The following VTI1A variants were observed in gnomAD, a reference collection of about 807,000 sequenced individuals.
VTI1A encodes vesicle transport through interaction with t-SNAREs 1A.
In VTI1A, 22 loss-of-function variants were observed where a neutral mutation model predicts 34.9. The observed-to-expected ratio is 0.63, with a 90% confidence interval of 0.45 to 0.90. The LOEUF is 0.90. Among genes scored for constraint, VTI1A ranks in the 40% least tolerant of loss-of-function variants. VTI1A has a pLI of 0.00. For synonymous variants in VTI1A, 87 were observed against 97.3 expected, an observed-to-expected ratio of 0.89 and a Z score of 0.62; for missense variants, 268 against 275.6, an observed-to-expected ratio of 0.97 and a Z score of 0.20.
At chr10:112,552,898 C>T (rs954056576) in intron 5 of VTI1A, among the ~76,000 whole-genome samples, 14 of 152,168 alleles carry the variant, frequency 9.2e-5, no homozygotes, top group Non-Finnish European at 1.8e-4. Flanking sequence ...CTTTCGTGCC[C>T]TCTGTAAGTT....
At chr10:112,583,414 A>G (rs1279351927) in intron 5 of VTI1A, among the ~76,000 whole-genome samples, 1 of 152,236 alleles carries the variant, frequency 6.6e-6, no homozygotes. Flanking sequence ...GGTTGCATTC[A>G]GGTCTGTTGT....
Position 112,609,861 on chromosome 10 carries a change from T to C in VTI1A, c.428-58357T>C, listed in dbSNP as rs546695208. Among the ~76,000 whole-genome samples, 101 of 152,266 alleles carry C rather than the reference T, an allele frequency of 6.6e-4. 1 individual carries two copies. Among genetic ancestry groups the C allele is most frequent in the African/African-American group, 2.3e-3 (97 of 41,536 alleles). On this transcript the variant is annotated intron_variant, in intron 5 of 7. Coordinates refer to ENST00000393077, the MANE Select transcript of VTI1A (RefSeq NM_145206.4). ...AAGGGGTTTGCTGCTGAAGTCTCCA[T>C]GGCCCTTAGGCAAATGGCTCCGTCC...
chr10:112,491,786 C>T (rs1848833526), intron 3 of VTI1A, among the ~76,000 whole-genome samples: 1 of 152,144 alleles, frequency 6.6e-6, no homozygotes, highest in Non-Finnish European at 1.5e-5. Context: ...TGGATGGTAA[C>T]TACTGCACCA....
intron 2 of VTI1A, among the ~76,000 whole-genome samples, chr10:112,463,405 G>A (rs1847794716): frequency 6.6e-6 from 1 of 152,142 alleles, no homozygotes; most frequent in Non-Finnish European, 1.5e-5. Context: ...AGTTTTCACA[G>A]CTGCTCTGTG....
intron 7 of VTI1A, among the ~76,000 whole-genome samples, chr10:112,768,035 GACC>G (rs1479288766): frequency 6.6e-5 from 10 of 152,154 alleles, no homozygotes; most frequent in Admixed American, 6.6e-4. Context: ...TGTGATAGGT[GACC>G]TCCAGGACCA....
intron 3 of VTI1A, among the ~76,000 whole-genome samples, chr10:112,514,084 G>C (rs1278764162): frequency 6.6e-6 from 1 of 152,078 alleles, no homozygotes; most frequent in East Asian, 1.9e-4. Flanking sequence ...AGAAGAATTG[G>C]CATCAGTTCT....
intron 5 of VTI1A, among the ~76,000 whole-genome samples, chr10:112,565,561 A>G (rs1402184004): frequency 1.3e-5 from 2 of 152,206 alleles, no homozygotes; most frequent in Non-Finnish European, 2.9e-5. Flanking sequence ...TTTCAAAGCC[A>G]TATTATATTT....
chr10:112,646,279 G>A (rs545368020), intron 5 of VTI1A, among the ~76,000 whole-genome samples: 33 of 152,090 alleles, frequency 2.2e-4, no homozygotes, highest in African/African-American at 7.2e-4. Flanking sequence ...AATAAAACTA[G>A]GAAGCATTGT....
At chr10:112,702,327 C>T (rs922142584) in intron 7 of VTI1A, among the ~76,000 whole-genome samples, 2 of 152,222 alleles carry the variant, frequency 1.3e-5, no homozygotes, top group Non-Finnish European at 2.9e-5. Context: ...CATTTCACTT[C>T]AAGGGGAGAA....
intron 7 of VTI1A, among the ~76,000 whole-genome samples, chr10:112,738,627 A>G (rs577195593): frequency 1.4e-4 from 22 of 152,298 alleles, no homozygotes; most frequent in African/African-American, 4.6e-4. Context: ...TTTCTCCCCA[A>G]TACAGTCTGA....
intron 7 of VTI1A, among the ~76,000 whole-genome samples, chr10:112,783,567 G>A (rs1259924236): frequency 1.3e-5 from 2 of 152,216 alleles, no homozygotes; most frequent in African/African-American, 4.8e-5. Context: ...AAAAATTTAT[G>A]CATTGCATAG....
intron 3 of VTI1A, among the ~76,000 whole-genome samples, chr10:112,487,670 C>T (rs757432766): frequency 1.3e-5 from 2 of 152,148 alleles, no homozygotes; most frequent in Non-Finnish European, 2.9e-5. Context: ...GAATTCTCTC[C>T]TCCTGCTTGT....
chr10:112,472,780 CCTT>C (rs1275819374), intron 3 of VTI1A, among the ~76,000 whole-genome samples: 1 of 151,960 alleles, frequency 6.6e-6, no homozygotes, highest in African/African-American at 2.4e-5. Context: ...ATCAGCTAAT[CCTT>C]CTTACAGGAC....
At chr10:112,477,518 C>T (rs142350743) in intron 3 of VTI1A, among the ~76,000 whole-genome samples, 1 of 152,336 alleles carries the variant, frequency 6.6e-6, no homozygotes, top group Non-Finnish European at 1.5e-5. Flanking sequence ...ATTATTTAAA[C>T]AAGTTACCAC....
chr10:112,545,642 T>C (rs149737700), intron 5 of VTI1A, among the ~76,000 whole-genome samples: 1 of 152,192 alleles, frequency 6.6e-6, no homozygotes, highest in Non-Finnish European at 1.5e-5. Flanking sequence ...CCCTGGGAGC[T>C]TGTTAAAAAT....
downstream of VTI1A, among the ~76,000 whole-genome samples, chr10:112,823,219 C>A (rs1316731393): frequency 6.6e-6 from 1 of 152,200 alleles, no homozygotes; most frequent in Non-Finnish European, 1.5e-5. Context: ...GTGGGCAGGT[C>A]CCCATCAGCA....
At chr10:112,608,088 G>T (rs868721888) in intron 5 of VTI1A, among the ~76,000 whole-genome samples, 6 of 152,130 alleles carry the variant, frequency 3.9e-5, no homozygotes, top group South Asian at 2.1e-4. Context: ...AGGTATTGGG[G>T]GCCATCTTGG....
chr10:112,794,842 T>C (rs775059567), intron 7 of VTI1A, among the ~76,000 whole-genome samples: 3 of 152,214 alleles, frequency 2.0e-5, no homozygotes, highest in African/African-American at 4.8e-5. Context: ...AATATAGTCT[T>C]AATAATAATT....
At chr10:112,471,647 T>A (rs1189430244) in intron 3 of VTI1A, among the ~76,000 whole-genome samples, 4 of 152,116 alleles carry the variant, frequency 2.6e-5, no homozygotes, top group African/African-American at 9.7e-5. Context: ...TAAAAATGTA[T>A]TTAATAGTCT....
Sources: gnomAD v4.1 joint callset for allele counts (sites outside exome capture counted in the v4.1 genomes callset) on GRCh38, gnomAD v4.1.1 for gene constraint, MANE v1.5 for transcripts, NCBI Gene and HGNC (gene_info 2026-07-23, HGNC 2026-07-21) for gene names.